ARMCX4: variants seen among roughly 807,000 people sequenced by gnomAD.
ARMCX4 encodes the protein armadillo repeat-containing X-linked protein 4.
ARMCX4 carries 3 observed loss-of-function variants against 34.7 expected under a neutral mutation model. The ratio of observed to expected loss-of-function variants is 0.09; its 90% CI spans 0.04 to 0.22. ARMCX4 has a LOEUF of 0.22. Among genes scored for constraint, ARMCX4 ranks in the 10% least tolerant of loss-of-function variants. ARMCX4 has a pLI of 1.00. For missense variants in ARMCX4, 1,448 were observed against 1,720.8 expected (o/e 0.84, Z 2.81); for synonymous variants, 513 against 632.8 (o/e 0.81, Z 2.84).
intron 2 of ARMCX4, among the ~76,000 whole-genome samples, chrX:101,431,574 C>A (rs911594942): frequency 1.8e-5 from 2 of 111,219 alleles, no homozygotes; most frequent in Admixed American, 9.6e-5. Flanking sequence ...GACAGAGTCT[C>A]GCTCTGTTGC....
downstream of ARMCX4, among the ~76,000 whole-genome samples, chrX:101,500,769 C>G (rs1465876373): frequency 8.0e-5 from 9 of 112,124 alleles, no homozygotes; most frequent in Non-Finnish European, 1.7e-4. Context: ...CACAGTTTTT[C>G]CTCAGTGCTC....
At chrX:101,424,851 T>A (rs1555990664) in intron 2 of ARMCX4, among the ~76,000 whole-genome samples, 2 of 111,849 alleles carry the variant, frequency 1.8e-5, no homozygotes, top group African/African-American at 6.5e-5. Context: ...GTGAGTTTAG[T>A]CTTAGACATA....
At chrX:101,433,595 G>C (rs1222482214) in intron 2 of ARMCX4, among the ~76,000 whole-genome samples, 1 of 111,601 alleles carries the variant, frequency 9.0e-6, no homozygotes, top group Non-Finnish European at 1.9e-5. Context: ...CAAGTCACTG[G>C]GTTGTTGTGG....
downstream of ARMCX4, chrX:101,498,719 G>T (rs1299788561): frequency 1.8e-5 from 2 of 111,913 alleles, no homozygotes; most frequent in East Asian, 5.6e-4. Context: ...TTCTAACCAA[G>T]ACAAGTCTTC....
At chrX:101,478,965 T>C (rs1933317549) in intron 4 of ARMCX4, among the ~76,000 whole-genome samples, 1 of 111,102 alleles carries the variant, frequency 9.0e-6, no homozygotes, top group Non-Finnish European at 1.9e-5. Flanking sequence ...TATATATGTA[T>C]ATACATACAC....
chrX:101,423,712 G>T (rs1027102769), intron 2 of ARMCX4, among the ~76,000 whole-genome samples: 1 of 111,337 alleles, frequency 9.0e-6, no homozygotes, highest in Non-Finnish European at 1.9e-5. Context: ...TTAGGACGGG[G>T]GCGCTGGTCA....
chrX:101,478,280 A>G (rs900254815), intron 4 of ARMCX4, among the ~76,000 whole-genome samples: 2 of 112,303 alleles, frequency 1.8e-5, no homozygotes, highest in African/African-American at 6.5e-5. Flanking sequence ...TAATAATACA[A>G]ATTCATTAGG....
chrX:101,435,272 T>C (rs781924130), intron 2 of ARMCX4, among the ~76,000 whole-genome samples: 1 of 112,141 alleles, frequency 8.9e-6, no homozygotes, highest in South Asian at 3.7e-4. Flanking sequence ...AAAGTATTCC[T>C]ATTTCTTCAC....
chrX:101,484,920 G>GAA (rs77555033), upstream of ARMCX4, among the ~76,000 whole-genome samples: 23 of 108,454 alleles, frequency 2.1e-4, no homozygotes, highest in Admixed American at 1.5e-3. Context: ...CATATTAAAA[G>GAA]AAAAAAAAGG....
At chrX:101,461,657 C>A (rs1421798338) in intron 4 of ARMCX4, among the ~76,000 whole-genome samples, 3 of 111,687 alleles carry the variant, frequency 2.7e-5, no homozygotes, top group Non-Finnish European at 5.6e-5. Flanking sequence ...AGTGGCTGCA[C>A]CATTTTATAT....
At chrX:101,510,228 CT>C (rs1485238664) in intron 10 of ARMCX4, among the ~76,000 whole-genome samples, 2 of 111,920 alleles carry the variant, frequency 1.8e-5, no homozygotes, top group Admixed American at 9.5e-5. Flanking sequence ...CTGCACTTTG[CT>C]TTTTTTAGGT....
intron 2 of ARMCX4, among the ~76,000 whole-genome samples, chrX:101,420,134 G>A (rs950230893): frequency 3.6e-5 from 4 of 111,595 alleles, no homozygotes; most frequent in East Asian, 5.7e-4. Context: ...AGGCCGAGGC[G>A]GGTGGATCAG....
Position 101,488,796 on chromosome X carries a change from C to A in ARMCX4, c.207C>A (p.Pro69=). 1 of 1,156,265 alleles carries A rather than the reference C, an allele frequency of 8.6e-7. No individual in the cohort carries two copies. The highest frequency in any genetic ancestry group is 1.9e-5 in the South Asian group (1 of 52,743). The change falls in exon 6 of 6, where the codon CCC becomes CCA. Residue 69 remains proline (P), a synonymous_variant. Transcript: ENST00000423738. ...ATGAAGCAGAGATTAAGACTAAACC[C>A]CAAGTCGAGATTGGAGCAGAAACTG... The part of the protein sequence containing the change: ...AINEAEIKTK[P]QVEIGAETGA...
chrX:101,515,395 C>CTTTTTCTTTCTT (rs1556017495), intron 11 of ARMCX4, among the ~76,000 whole-genome samples: 1 of 2,104 alleles, frequency 4.8e-4, no homozygotes, highest in African/African-American at 1.6e-3. Flanking sequence ...CTTTCTTTCC[C>CTTTTTCTTTCTT]TCCCTCCCTC....
At chrX:101,531,061 C>T (rs1659255399) in intron 11 of ARMCX4, among the ~76,000 whole-genome samples, 1 of 111,727 alleles carries the variant, frequency 9.0e-6, no homozygotes, top group Non-Finnish European at 1.9e-5. Flanking sequence ...GGCTGTGTTA[C>T]CACTGGATGC....
intron 11 of ARMCX4, among the ~76,000 whole-genome samples, chrX:101,529,178 C>A (rs1323565353): frequency 9.0e-6 from 1 of 111,057 alleles, no homozygotes; most frequent in Non-Finnish European, 1.9e-5. Context: ...GAGATAATAA[C>A]ACACACATAC....
downstream of ARMCX4, among the ~76,000 whole-genome samples, chrX:101,451,408 A>AT (rs1569322153): frequency 9.0e-6 from 1 of 111,443 alleles, no homozygotes; most frequent in Non-Finnish European, 1.9e-5. Context: ...AAGCACATGA[A>AT]TTTTTTCTCC....
At chrX:101,432,260 G>A (rs782030804) in intron 2 of ARMCX4, among the ~76,000 whole-genome samples, 2 of 111,517 alleles carry the variant, frequency 1.8e-5, no homozygotes, top group South Asian at 3.8e-4. Context: ...GGACTGAAGC[G>A]AAGATGAGTC....
intron 9 of ARMCX4, chrX:101,509,491 A>T (rs1432153116): frequency 2.7e-5 from 3 of 111,911 alleles, no homozygotes; most frequent in Non-Finnish European, 5.6e-5. Flanking sequence ...AGCATACAGT[A>T]TTAAAGGAAA....
Sources: allele counts gnomAD v4.1 joint callset (sites outside exome capture counted in the v4.1 genomes callset), GRCh38; gene constraint gnomAD v4.1.1; transcripts MANE v1.5; gene names NCBI Gene and HGNC (gene_info 2026-07-23, HGNC 2026-07-21).